The following ERBB2 variants were observed in gnomAD, a reference collection of about 807,000 sequenced individuals.
ERBB2 encodes receptor tyrosine-protein kinase erbB-2.
A neutral mutation model predicts 149.0 loss-of-function variants in ERBB2; 61 were observed. The observed-to-expected ratio is 0.41, with a 90% confidence interval of 0.33 to 0.51. The LOEUF is 0.51. Among genes scored for constraint, ERBB2 ranks in the 20% least tolerant of loss-of-function variants. The pLI is 0.25. For synonymous variants in ERBB2, 633 were observed against 678.8 expected, an observed-to-expected ratio of 0.93 and a Z score of 1.05; for missense variants, 1,205 against 1,655.1, an observed-to-expected ratio of 0.73 and a Z score of 4.72.
intron 5 of ERBB2, 73 bp from the exon 6 acceptor site, chr17:39,710,013 C>T: frequency 6.6e-7 from 1 of 1,513,750 alleles, no homozygotes; most frequent in Non-Finnish European, 9.1e-7. Flanking sequence ...GGTAGTCTCC[C>T]TAGAAGGTGA....
chr17:39,710,190 T>C lies in ERBB2; in HGVS notation c.748T>C (p.Ser250Pro), dbSNP rs779750598. The stretch of plus-strand genomic sequence containing the variant: ...TGCCGGCTGCACGGGCCCCAAGCAC[T>C]CTGACTGCCTGGTATGTGCCTCTGC... The part of the protein sequence containing the change: ...CAAGCTGPKH[S>P]DCLACLHFNH... The change falls in exon 6 of 27, where the codon TCT (serine) becomes CCT (proline). Residue 250 changes from serine (S) to proline (P), a missense_variant. Physicochemically the swap from Ser to Pro is moderately conservative, Grantham distance 74. Around this residue, in one of 6 missense-constraint regions of ERBB2, gnomAD observed 569 missense variants for 803.5 expected, o/e 0.71. Transcript: ENST00000269571. The C allele has an allele frequency of 6.2e-7, 1 of 1,612,734 alleles. No homozygotes were observed. The highest frequency in any genetic ancestry group is 8.5e-7 in the Non-Finnish European group (1 of 1,179,448).
chr17:39,699,643 G>A, upstream of ERBB2: 1 of 1,095,384 alleles, frequency 9.1e-7, no homozygotes. Context: ...GATGTGGTGG[G>A]AAAACCATTA....
intron 7 of ERBB2, among the ~76,000 whole-genome samples, chr17:39,710,724 C>T (rs759875021): frequency 1.3e-5 from 2 of 152,180 alleles, no homozygotes; most frequent in Non-Finnish European, 2.9e-5. Context: ...TTAGTAGGCA[C>T]GTGACCCTCT....
rs1332462665 is a variant in ERBB2, at chr17:39,718,722, G to A, written c.1899-1065G>A. 1.3e-5 allele frequency among the ~76,000 whole-genome samples: 2 copies of A among 152,154 alleles called. 1 individual carries two copies. Among genetic ancestry groups the A allele is most frequent in the Middle Eastern group, 6.8e-3 (2 of 294 alleles). On this transcript the variant is annotated intron_variant, in intron 15 of 26. Transcript: ENST00000269571. ...TGAGGTATCCTTTCTTGTGAGTACAGACGGATCTACCACCTTTATTTTTTT... is the reference window on the plus strand; with the variant it reads ...TGAGGTATCCTTTCTTGTGAGTACAAACGGATCTACCACCTTTATTTTTTT...
chr17:39,702,904 G>A (rs1316872274), intron 1 of ERBB2, among the ~76,000 whole-genome samples: 1 of 152,220 alleles, frequency 6.6e-6, no homozygotes, highest in Non-Finnish European at 1.5e-5. Context: ...CTGAAGAGGA[G>A]GCATTAAGAG....
upstream of ERBB2, among the ~76,000 whole-genome samples, chr17:39,693,877 T>A (rs2057766766): frequency 6.7e-6 from 1 of 150,344 alleles, no homozygotes; most frequent in Non-Finnish European, 1.5e-5. Flanking sequence ...TCACCTGAGG[T>A]CAGGAGTCTC....
chr17:39,711,714 C>G (rs1261806073), intron 7 of ERBB2, among the ~76,000 whole-genome samples: 1 of 152,220 alleles, frequency 6.6e-6, no homozygotes, highest in Non-Finnish European at 1.5e-5. Context: ...TTACAGAACT[C>G]TCTGCTTTGG....
chr17:39,708,633 C>G, intron 3 of ERBB2, 99 bp downstream of exon 3: 2 of 915,942 alleles, frequency 2.2e-6, no homozygotes, highest in Non-Finnish European at 3.4e-6. Flanking sequence ...GAAATGGTGT[C>G]CCTTCTGGGC....
chr17:39,727,191 C>T lies in ERBB2; in HGVS notation c.3160-104C>T. 7.0e-7 allele frequency: 1 copy of T among 1,434,734 alleles called. No homozygotes were observed. The highest frequency in any genetic ancestry group is 1.4e-5 in the African/African-American group (1 of 69,770). 88.9% of individuals were successfully genotyped at this position (1,434,734 alleles called of 1,614,324 possible). On this transcript the variant is annotated intron_variant, in intron 25 of 26. Transcript: ENST00000269571. This position sits in a 1 kb window ranked among gnomAD's most constrained non-coding sequence, Gnocchi z 4.3. ...TCTCCACGGTGACTGTGTCATACCC[C>T]AAAGGTGACCTCTGTTTTTCTCCTG... is the stretch of plus-strand genomic sequence containing the variant.
intron 15 of ERBB2, 163 bp downstream of exon 15, chr17:39,717,643 A>G (rs2145718527): frequency 1.7e-6 from 1 of 593,254 alleles, no homozygotes; most frequent in East Asian, 2.9e-5. Context: ...TGAAATATAA[A>G]TTAATGCCCT....
rs762875937 is a variant in ERBB2, at chr17:39,708,461, G to A, written c.366G>A (p.Pro122=). ...TGGCCGTGCTAGACAATGGAGACCC[G>A]CTGAACAATACCACCCCTGTCACAG... ...YALAVLDNGD[P]LNNTTPVTGA... The change falls in exon 3 of 27, where the codon CCG becomes CCA. Residue 122 remains proline (P), a synonymous_variant. Coordinates refer to ENST00000269571, the MANE Select transcript of ERBB2 (RefSeq NM_004448.4). 1.8e-5 allele frequency: 29 copies of A among 1,614,056 alleles called. No individual in the cohort carries two copies. The East Asian group carries it at 3.1e-4, about 17-fold the overall frequency.
At position 39,728,398 on chromosome 17, in the gene ERBB2, G is replaced by T; in HGVS notation, c.*354G>T. On this transcript the variant is annotated 3_prime_UTR_variant, in exon 27 of 27. Transcript: ENST00000269571. ...CCTGAGAGGGGAAGCGGCCCTAAGG[G>T]AGTGTCTAAGAACAAAAGCGACCCA... The T allele has an allele frequency of 3.5e-6, 1 of 282,998 alleles. No individual in the cohort carries two copies. 17.5% of individuals were successfully genotyped at this position (282,998 alleles called of 1,614,324 possible). A position where few individuals can be genotyped will look rare whatever the true frequency, so the allele number is the denominator to read the frequency against.
chr17:39,727,856 C>T lies in ERBB2; in HGVS notation c.3580C>T (p.Pro1194Ser), dbSNP rs1405687941. The T allele has an allele frequency of 6.2e-7, 1 of 1,614,098 alleles. No homozygotes were observed. The highest frequency in any genetic ancestry group is 1.7e-5 in the Admixed American group (1 of 60,018). Residue 1194 changes from proline to serine, a missense_variant, in exon 27 of 27, where the codon CCC becomes TCC. Transcript: ENST00000269571. This position sits in a 1 kb window ranked among gnomAD's most constrained non-coding sequence, Gnocchi z 4.3. ...VFAFGGAVEN[P>S]EYLTPQGGAA... ...TGCCTTTGGGGGTGCCGTGGAGAACCCCGAGTACTTGACACCCCAGGGAGG... is the reference window on the plus strand; with the variant it reads ...TGCCTTTGGGGGTGCCGTGGAGAACTCCGAGTACTTGACACCCCAGGGAGG...
Position 39,712,412 on chromosome 17 carries a change from T to G in ERBB2, c.1112T>G (p.Phe371Cys), listed in dbSNP as rs1243660575. 4 of 1,613,900 alleles carry G rather than the reference T, an allele frequency of 2.5e-6. No individual in the cohort carries two copies. The African/African-American group carries it at 4.0e-5, about 16-fold the overall frequency. The change falls in exon 9 of 27, where the codon TTT (phenylalanine) becomes TGT (cysteine). Residue 371 changes from phenylalanine to cysteine, a missense_variant. Physicochemically the swap from Phe to Cys is radical, Grantham distance 205. This residue lies in a region of ERBB2 where 569 missense variants were observed against 803.5 expected (regional missense o/e 0.71). Coordinates refer to ENST00000269571, the MANE Select transcript of ERBB2 (RefSeq NM_004448.4). ...IQEFAGCKKI[F>C]GSLAFLPESF... Reference sequence around the variant, plus strand: ...GAGTTTGCTGGCTGCAAGAAGATCTTTGGGAGCCTGGCATTTCTGCCGGAG... The same window carrying G: ...GAGTTTGCTGGCTGCAAGAAGATCTGTGGGAGCCTGGCATTTCTGCCGGAG...
rs147285783 is a variant in ERBB2 at position 39,704,402 on chromosome 17, G to A, written c.74-2588G>A. ...CAGCCTGGCCAACATGGTGAAACCCGCCTCAACTAAAAATACAAAAATTAG... is the reference window on the plus strand; with the variant it reads ...CAGCCTGGCCAACATGGTGAAACCCACCTCAACTAAAAATACAAAAATTAG... On this transcript the variant is annotated intron_variant, in intron 1 of 26. Transcript: ENST00000269571. 8.5e-3 allele frequency among the ~76,000 whole-genome samples: 1,286 copies of A among 152,156 alleles called. 12 individuals are homozygous for A. The highest frequency in any genetic ancestry group is 0.013 in the Non-Finnish European group (903 of 68,000).
rs962678119 is a variant in ERBB2, at chr17:39,726,239, G to C, written c.2873-323G>C. Reference sequence around the variant, plus strand: ...GTCCCAGCTACTCAGGAGAGGCTGAGGCAGGAAGATCACTTGAGCCTAGTT... The same window carrying C: ...GTCCCAGCTACTCAGGAGAGGCTGACGCAGGAAGATCACTTGAGCCTAGTT... On this transcript the variant is annotated intron_variant, in intron 23 of 26. Coordinates refer to ENST00000269571, the MANE Select transcript of ERBB2 (RefSeq NM_004448.4). This position sits in a 1 kb window ranked among gnomAD's most constrained non-coding sequence, Gnocchi z 5.1. The C allele has an allele frequency of 2.3e-6, 1 of 430,616 alleles. No individual in the cohort carries two copies. 26.7% of individuals were successfully genotyped at this position (430,616 alleles called of 1,614,324 possible). A position where few individuals can be genotyped will look rare whatever the true frequency, so the allele number is the denominator to read the frequency against.
intron 16 of ERBB2, among the ~76,000 whole-genome samples, chr17:39,722,495 T>C (rs2059504469): frequency 6.6e-6 from 1 of 152,090 alleles, no homozygotes; most frequent in South Asian, 2.1e-4. Flanking sequence ...AGCAAGGCCC[T>C]GTCTCAAAAA....
At position 39,727,567 on chromosome 17, in the gene ERBB2, CAG is replaced by C. The variant is rs948117801; in HGVS notation, c.3412+26_3412+27del. 2 of 1,588,136 alleles carry C rather than the reference CAG, an allele frequency of 1.3e-6. No homozygotes were observed. Among genetic ancestry groups the C allele is most frequent in the African/African-American group, 2.7e-5 (2 of 72,944 alleles). ...AGCCTGGTATGGAGTCCAGTCTAAG[CAG>C]AGAGACTGATGGGCAGGGGAGGTGG... On this transcript the variant is annotated intron_variant, in intron 26 of 26. Coordinates refer to ENST00000269571, the MANE Select transcript of ERBB2 (RefSeq NM_004448.4). This position sits in a 1 kb window ranked among gnomAD's most constrained non-coding sequence, Gnocchi z 4.3.
rs201421451 is a variant in ERBB2 at position 39,723,885 on chromosome 17, C to G, written c.2209-27C>G. 1.1e-3 allele frequency: 1,758 copies of G among 1,585,890 alleles called. 5 individuals are homozygous for G. Among genetic ancestry groups the G allele is most frequent in the Admixed American group, 1.2e-3 (74 of 59,854 alleles). On this transcript the variant is annotated intron_variant, in intron 18 of 26. Transcript: ENST00000269571. The surrounding 1 kb of genome is among the most constrained non-coding windows in gnomAD (Gnocchi z 6.2). ...GGTAGGATCCAGCCCACGCTCTTCT[C>G]ACTCATATCCTCCTCTTTCTGCCCA...
Sources: allele counts gnomAD v4.1 joint callset (sites outside exome capture counted in the v4.1 genomes callset), GRCh38; gene constraint gnomAD v4.1.1; regional missense constraint gnomAD v4.1.1; non-coding constraint Gnocchi (gnomAD v3.1); transcripts MANE v1.5; gene names NCBI Gene and HGNC (gene_info 2026-07-23, HGNC 2026-07-21).